Variants in ARHGAP28 observed in about 807,000 individuals in gnomAD.
The protein encoded by ARHGAP28 is Rho GTPase activating protein 28, also known as rho GTPase-activating protein 28.
In ARHGAP28, 56 loss-of-function variants were observed where a neutral mutation model predicts 90.7. The ratio of observed to expected loss-of-function variants is 0.62; its 90% CI spans 0.50 to 0.77. The LOEUF (loss-of-function observed/expected upper bound fraction) is 0.77. ARHGAP28 is among the 30% of genes least tolerant of loss of function. The pLI is 0.00. For missense variants in ARHGAP28, 869 were observed against 900.9 expected (o/e 0.96, Z 0.45); for synonymous variants, 308 against 323.3 (o/e 0.95, Z 0.51).
intron 11 of ARHGAP28, among the ~76,000 whole-genome samples, chr18:6,885,926 A>G (rs965361718): frequency 1.3e-5 from 2 of 151,768 alleles, no homozygotes; most frequent in African/African-American, 2.4e-5. Context: ...TAAAGTTTCT[A>G]TTATTCAGGC....
intron 11 of ARHGAP28, among the ~76,000 whole-genome samples, chr18:6,885,046 G>A (rs1431385481): frequency 3.3e-5 from 5 of 152,104 alleles, no homozygotes; most frequent in Admixed American, 6.6e-5. Flanking sequence ...ACTGTGTGAC[G>A]TTGTAATTTT....
chr18:6,748,027 A>C (rs1390502061), intron 1 of ARHGAP28, among the ~76,000 whole-genome samples: 1 of 152,170 alleles, frequency 6.6e-6, no homozygotes, highest in Admixed American at 6.5e-5. Context: ...CTAATAACAG[A>C]GCATATTGTG....
In ARHGAP28 at chr18:6,873,554, CAG is replaced by C. The variant is rs752927462; in HGVS notation, c.1104_1105del (p.Lys369SerfsTer20). 1.9e-6 allele frequency: 3 copies of C among 1,613,472 alleles called. No individual in the cohort carries two copies. Among genetic ancestry groups the C allele is most frequent in the Non-Finnish European group, 2.5e-6 (3 of 1,179,902 alleles). Reference sequence around the variant, plus strand: ...GGAATTCAACTGAAAAGGAACAAAACAGAGAAAGTAAAAGGACGAGGTAACTA... The same window carrying C: ...GGAATTCAACTGAAAAGGAACAAAACAGAAAGTAAAAGGACGAGGTAACTA... On this transcript the variant is annotated frameshift_variant, in exon 8 of 18. Transcript: ENST00000383472. LOFTEE classifies it high-confidence loss of function.
At chr18:6,827,367 T>C (rs1215234955) in intron 2 of ARHGAP28, among the ~76,000 whole-genome samples, 1 of 142,826 alleles carries the variant, frequency 7.0e-6, no homozygotes, top group Non-Finnish European at 1.5e-5. Context: ...GGCGGAGGGT[T>C]GACCCCCCCA....
intron 1 of ARHGAP28, among the ~76,000 whole-genome samples, chr18:6,784,886 C>T (rs2056354196): frequency 6.6e-6 from 1 of 152,206 alleles, no homozygotes; most frequent in African/African-American, 2.4e-5. Context: ...TTACATTTGA[C>T]AAATAGCAGT....
At chr18:6,828,869 C>T (rs991027440) in intron 2 of ARHGAP28, among the ~76,000 whole-genome samples, 4 of 152,150 alleles carry the variant, frequency 2.6e-5, no homozygotes, top group African/African-American at 9.6e-5. Context: ...CCAAAAAAGA[C>T]TAAAGGTAGT....
At chr18:6,799,829 A>C (rs776039624) in intron 1 of ARHGAP28, among the ~76,000 whole-genome samples, 2 of 152,226 alleles carry the variant, frequency 1.3e-5, no homozygotes, top group Non-Finnish European at 2.9e-5. Flanking sequence ...TAAAACACTA[A>C]AAGCAATGGC....
At chr18:6,850,907 A>G in intron 3 of ARHGAP28, 127 bp from the exon 4 acceptor site, 1 of 1,536,052 alleles carries the variant, frequency 6.5e-7, no homozygotes, top group Non-Finnish European at 8.8e-7. Context: ...CCAGGTAGTC[A>G]TTAATTGTAT....
At chr18:6,911,555 C>T (rs1379558086) in intron 17 of ARHGAP28, among the ~76,000 whole-genome samples, 1 of 152,110 alleles carries the variant, frequency 6.6e-6, no homozygotes, top group African/African-American at 2.4e-5. Context: ...CCTGCCTCAG[C>T]CTCCCCAGTA....
chr18:6,816,799 C>G (rs16950640), intron 1 of ARHGAP28, among the ~76,000 whole-genome samples: 38,648 of 151,988 alleles, frequency 0.25, 6,685 homozygotes, highest in African/African-American at 0.49. Context: ...GAGAATCATT[C>G]TGTGAAGGCC....
At chr18:6,908,325 G>A (rs1215920562) in intron 16 of ARHGAP28, among the ~76,000 whole-genome samples, 1 of 151,888 alleles carries the variant, frequency 6.6e-6, no homozygotes, top group Non-Finnish European at 1.5e-5. Context: ...TTTTAGTAGA[G>A]ATGGGATTTT....
Position 6,855,454 on chromosome 18 carries a change from G to C in ARHGAP28, c.636+4328G>C, listed in dbSNP as rs79006984. The stretch of plus-strand genomic sequence containing the variant: ...GTCTCTTCAGGATGACCTGTTTGCC[G>C]AAAGGAGCTACCCACCAGGGGTCTC... On this transcript the variant is annotated intron_variant, in intron 4 of 17. Coordinates refer to ENST00000383472, the MANE Select transcript of ARHGAP28 (RefSeq NM_001366230.1). Among the ~76,000 whole-genome samples the C allele has an allele frequency of 7.8e-3, 1,184 of 152,272 alleles. 16 individuals carry two copies. Among genetic ancestry groups the C allele is most frequent in the African/African-American group, 0.027 (1,142 of 41,556 alleles).
intron 1 of ARHGAP28, among the ~76,000 whole-genome samples, chr18:6,808,784 G>T (rs2056536614): frequency 6.6e-6 from 1 of 152,130 alleles, no homozygotes; most frequent in Non-Finnish European, 1.5e-5. Flanking sequence ...ATACACACCA[G>T]TGTACATACA....
chr18:6,841,199 CTCTCCTCTCCTCT>C (rs2056819837), intron 3 of ARHGAP28, among the ~76,000 whole-genome samples: 5 of 62,306 alleles, frequency 8.0e-5, no homozygotes, highest in African/African-American at 3.6e-4. Context: ...CTCTCTCTCT[CTCTCCTCTCCTCT>C]CTCTCTCTCT....
At chr18:6,886,052 C>T (rs1250113301) in intron 11 of ARHGAP28, among the ~76,000 whole-genome samples, 2 of 152,086 alleles carry the variant, frequency 1.3e-5, no homozygotes, top group Non-Finnish European at 2.9e-5. Context: ...ACAATATGAT[C>T]CTCCCTCTCT....
intron 17 of ARHGAP28, among the ~76,000 whole-genome samples, chr18:6,911,263 C>G (rs1273635864): frequency 6.6e-6 from 1 of 152,112 alleles, no homozygotes; most frequent in African/African-American, 2.4e-5. Flanking sequence ...TGCCCATGGG[C>G]TTTACGTCCA....
chr18:6,747,631 T>C (rs1232808153), intron 1 of ARHGAP28, among the ~76,000 whole-genome samples: 1 of 152,202 alleles, frequency 6.6e-6, no homozygotes, highest in Admixed American at 6.5e-5. Flanking sequence ...AGAATCAGAC[T>C]CAAGCAAAAA....
chr18:6,884,427 G>C (rs1482462000), intron 11 of ARHGAP28, among the ~76,000 whole-genome samples: 14 of 152,178 alleles, frequency 9.2e-5, no homozygotes, highest in Admixed American at 9.2e-4. Flanking sequence ...TTATCTCAGG[G>C]TTGGTCTCTG....
At chr18:6,910,998 C>T (rs1339304667) in intron 17 of ARHGAP28, among the ~76,000 whole-genome samples, 3 of 151,982 alleles carry the variant, frequency 2.0e-5, no homozygotes, top group Non-Finnish European at 4.4e-5. Context: ...GCGCCCATCA[C>T]CACGCCCGGC....
Sources: allele counts gnomAD v4.1 joint callset (sites outside exome capture counted in the v4.1 genomes callset), GRCh38; gene constraint gnomAD v4.1.1; transcripts MANE v1.5; gene names NCBI Gene and HGNC (gene_info 2026-07-23, HGNC 2026-07-21).